The following CNGB3 variants were observed in gnomAD, a reference collection of about 807,000 sequenced individuals.
The protein encoded by CNGB3 is cyclic nucleotide-gated channel beta-3.
A neutral mutation model predicts 92.8 loss-of-function variants in CNGB3; 86 were observed. The ratio of observed to expected loss-of-function variants is 0.93; its 90% confidence interval spans 0.78 to 1.11. The LOEUF (loss-of-function observed/expected upper bound fraction) is 1.11. Ranked by LOEUF, CNGB3 falls within the 50% of genes least tolerant of loss-of-function variation. The pLI is 0.00. For synonymous variants in CNGB3, 333 were observed against 332.7 expected (o/e 1.00, Z -0.01); for missense variants, 1,026 against 956.8 (o/e 1.07, Z -0.95).
At chr8:86,712,363 G>A (rs1824765641) in intron 3 of CNGB3, among the ~76,000 whole-genome samples, 1 of 151,952 alleles carries the variant, frequency 6.6e-6, no homozygotes, top group Admixed American at 6.6e-5. Flanking sequence ...AGGACATAAT[G>A]TACATTTCTA....
chr8:86,616,167 C>A (rs566976068), intron 13 of CNGB3, among the ~76,000 whole-genome samples: 1 of 152,276 alleles, frequency 6.6e-6, no homozygotes, highest in South Asian at 2.1e-4. Flanking sequence ...CAGAGAAAAA[C>A]ATTTGAACCA....
intron 12 of CNGB3, among the ~76,000 whole-genome samples, chr8:86,627,845 A>C (rs1196296573): frequency 6.6e-6 from 1 of 152,316 alleles, no homozygotes; most frequent in East Asian, 1.9e-4. Flanking sequence ...TGAACTACAC[A>C]GGTCCACTTA....
intron 3 of CNGB3, among the ~76,000 whole-genome samples, chr8:86,725,746 G>A (rs569017256): frequency 1.3e-5 from 2 of 152,316 alleles, no homozygotes; most frequent in South Asian, 4.1e-4. Context: ...AGGCGGGGTA[G>A]GGTGGAGTGG....
At chr8:86,718,050 C>T (rs940019119) in intron 3 of CNGB3, among the ~76,000 whole-genome samples, 1 of 151,446 alleles carries the variant, frequency 6.6e-6, no homozygotes, top group Non-Finnish European at 1.5e-5. Context: ...TAAAGGCGTA[C>T]ATCAAAAAGT....
chr8:86,609,749 C>G (rs773128073), intron 14 of CNGB3, among the ~76,000 whole-genome samples: 7 of 152,228 alleles, frequency 4.6e-5, no homozygotes, highest in Non-Finnish European at 5.9e-5. Flanking sequence ...GTCTCCATCA[C>G]TCACTTGCTT....
chr8:86,661,853 A>AAGAT, intron 6 of CNGB3: 1 of 1,292,138 alleles, frequency 7.7e-7, no homozygotes, highest in Non-Finnish European at 1.1e-6. Flanking sequence ...GACGTTCCAG[A>AAGAT]ACTGATGTCA....
At chr8:86,621,845 A>C (rs1280139586) in intron 13 of CNGB3, among the ~76,000 whole-genome samples, 2 of 152,164 alleles carry the variant, frequency 1.3e-5, no homozygotes, top group African/African-American at 4.8e-5. Context: ...TGGGCAGATC[A>C]GGAGGTCAAG....
intron 15 of CNGB3, among the ~76,000 whole-genome samples, chr8:86,600,638 C>G (rs1232477012): frequency 1.4e-5 from 2 of 145,554 alleles, no homozygotes; most frequent in Non-Finnish European, 3.0e-5. Context: ...GTGACAGAGT[C>G]TCGCCCTGTC....
chr8:86,698,993 T>C (rs1824500854), intron 3 of CNGB3, among the ~76,000 whole-genome samples: 1 of 152,216 alleles, frequency 6.6e-6, no homozygotes, highest in Non-Finnish European at 1.5e-5. Context: ...CGTCATCTAT[T>C]TGGGAGTATA....
Position 86,586,338 on chromosome 8 carries a change from AT to A in CNGB3, c.1782-7087del, listed in dbSNP as rs1239129544. Among the ~76,000 whole-genome samples the A allele has an allele frequency of 7.8e-5, 8 of 102,348 alleles. No individual in the cohort carries two copies. In the East Asian group the frequency reaches 1.8e-3, roughly 23 times the overall value. The allele number at this position is 102,348 out of a possible 152,430, so 67.1% of individuals were successfully genotyped here. ...ATTAATAGATAATATTTTTTTTTAA[AT>A]TTTTTTTTAATTATACTTTAAGTTT... On this transcript the variant is annotated intron_variant, in intron 15 of 17. Coordinates refer to ENST00000320005, the MANE Select transcript of CNGB3 (RefSeq NM_019098.5).
At chr8:86,612,475 G>T (rs1313272171) in intron 13 of CNGB3, among the ~76,000 whole-genome samples, 1 of 152,170 alleles carries the variant, frequency 6.6e-6, no homozygotes, top group African/African-American at 2.4e-5. Context: ...TCCACCCCTT[G>T]AGGGAATTAT....
intron 3 of CNGB3, among the ~76,000 whole-genome samples, chr8:86,710,424 A>G (rs1212368203): frequency 6.6e-6 from 1 of 151,492 alleles, no homozygotes; most frequent in African/African-American, 2.4e-5. Flanking sequence ...GTCTCCTGCT[A>G]ATTGCCAGTC....
chr8:86,659,388 A>C (rs1823586169), intron 6 of CNGB3: 1 of 785,972 alleles, frequency 1.3e-6, no homozygotes, highest in African/African-American at 1.7e-5. Flanking sequence ...CTATTGAAGC[A>C]GGAGCTTGGC....
Position 86,579,361 on chromosome 8 carries a change from T to A in CNGB3, c.1782-109A>T, listed in dbSNP as rs1167316665. 3 of 1,288,824 alleles carry A rather than the reference T, an allele frequency of 2.3e-6. No individual in the cohort carries two copies. In the Admixed American group the frequency reaches 5.1e-5, roughly 22 times the overall value. The allele number at this position is 1,288,824 out of a possible 1,614,324, so 79.8% of individuals were successfully genotyped here. On this transcript the variant is annotated intron_variant, in intron 15 of 17. Transcript: ENST00000320005. The stretch of plus-strand genomic sequence containing the variant: ...AGTATTTATACTGCTTCAGAAATCA[T>A]TCCCTAGAGGTGAGGGTCCAGGTGA...
chr8:86,699,727 G>T (rs1000090709), intron 3 of CNGB3, among the ~76,000 whole-genome samples: 4 of 152,166 alleles, frequency 2.6e-5, no homozygotes, highest in African/African-American at 7.2e-5. Context: ...ATTTCAATCT[G>T]ATTGTATTAG....
intron 2 of CNGB3, among the ~76,000 whole-genome samples, chr8:86,729,625 A>G (rs1186498097): frequency 6.6e-6 from 1 of 152,252 alleles, no homozygotes; most frequent in Non-Finnish European, 1.5e-5. Context: ...TCAAAGCAGA[A>G]CAACAACTTA....
At chr8:86,699,903 T>C (rs1271945044) in intron 3 of CNGB3, among the ~76,000 whole-genome samples, 2 of 152,130 alleles carry the variant, frequency 1.3e-5, no homozygotes, top group Non-Finnish European at 2.9e-5. Context: ...CTACTTTTTT[T>C]CTCCTTCCCA....
chr8:86,741,418 C>G (rs893304101), intron 1 of CNGB3, among the ~76,000 whole-genome samples: 4 of 152,134 alleles, frequency 2.6e-5, no homozygotes, highest in Non-Finnish European at 5.9e-5. Flanking sequence ...AATCCCAACA[C>G]TTTGCAAGGA....
chr8:86,631,058 C>T (rs1053954698), intron 11 of CNGB3, among the ~76,000 whole-genome samples: 3 of 152,222 alleles, frequency 2.0e-5, no homozygotes, highest in South Asian at 4.1e-4. Flanking sequence ...CAATCTTTCT[C>T]TTGTGGTCTA....
Sources: gnomAD v4.1 joint callset for allele counts (sites outside exome capture counted in the v4.1 genomes callset) on GRCh38, gnomAD v4.1.1 for gene constraint, MANE v1.5 for transcripts, NCBI Gene and HGNC (gene_info 2026-07-23, HGNC 2026-07-21) for gene names.